The following ICE1 variants were observed in gnomAD, a reference collection of about 807,000 sequenced individuals.
ICE1 encodes the protein little elongation complex subunit 1.
In ICE1, 64 loss-of-function variants were observed where a neutral mutation model predicts 192.7. The ratio of observed to expected loss-of-function variants is 0.33; its 90% CI spans 0.27 to 0.41. The LOEUF is 0.41. Ranked by LOEUF, ICE1 falls within the 10% of genes least tolerant of loss-of-function variation. ICE1 has a pLI of 1.00. For synonymous variants in ICE1, 1,010 were observed against 984.5 expected (o/e 1.03, Z -0.49); for missense variants, 2,708 against 2,696.0 (o/e 1.00, Z -0.10).
At chr5:5,443,338 G>T (rs1738106485) in intron 6 of ICE1, 94 bp downstream of exon 6, 2 of 664,238 alleles carry the variant, frequency 3.0e-6, no homozygotes, top group Admixed American at 3.8e-5. Flanking sequence ...TACAGTCTTT[G>T]GATTTCTTGG....
In ICE1 at chr5:5,463,786, A is replaced by G; in HGVS notation, c.4452A>G (p.Pro1484=). Residue 1484 remains proline (P), a synonymous_variant, in exon 13 of 19, where the codon CCA becomes CCG. Transcript: ENST00000296564. ...CTGGCCCTGCATTTCAGGAGGCTCC[A>G]TGTGGCAATAATCTTTCATGTCCCC... The part of the protein sequence containing the change: ...SHTGPAFQEA[P]CGNNLSCPQE... 1 of 1,613,990 alleles carries G rather than the reference A, an allele frequency of 6.2e-7. No homozygotes were observed. The highest frequency in any genetic ancestry group is 8.5e-7 in the Non-Finnish European group (1 of 1,179,878).
chr5:5,429,047 CA>C (rs1354473160), intron 1 of ICE1, among the ~76,000 whole-genome samples: 1 of 152,126 alleles, frequency 6.6e-6, no homozygotes, highest in African/African-American at 2.4e-5. Flanking sequence ...GCATATGGGG[CA>C]AAGTCTGGGG....
chr5:5,462,713 G>T lies in ICE1; in HGVS notation c.3379G>T (p.Asp1127Tyr), dbSNP rs760143114. ...GGGGAGCGAACAGCAAGATGCTCCT[G>T]ATGACTCACAGAAAAATTTAGGAGA... ...SEGSEQQDAP[D>Y]DSQKNLGDTD... The change falls in exon 13 of 19, where the codon GAT (aspartate) becomes TAT (tyrosine). Residue 1127 changes from aspartate (D) to tyrosine (Y), a missense_variant. By Grantham distance (160) the Asp-to-Tyr change is radical (BLOSUM62 -3). Coordinates refer to ENST00000296564, the MANE Select transcript of ICE1 (RefSeq NM_015325.3). 2.2e-5 allele frequency: 36 copies of T among 1,613,846 alleles called. No individual in the cohort carries two copies. The highest frequency in any genetic ancestry group is 3.1e-5 in the Non-Finnish European group (36 of 1,179,802).
chr5:5,487,374 G>A lies in ICE1; in HGVS notation c.6619+555G>A, dbSNP rs114555602. Among the ~76,000 whole-genome samples, 629 of 152,304 alleles carry A rather than the reference G, an allele frequency of 4.1e-3. 4 individuals are homozygous for A. Among genetic ancestry groups the A allele is most frequent in the Non-Finnish European group, 7.1e-3 (485 of 68,016 alleles). On this transcript the variant is annotated intron_variant, in intron 18 of 18. Coordinates refer to ENST00000296564, the MANE Select transcript of ICE1 (RefSeq NM_015325.3). ...TTAACTCAAAGTAACTCTTATAAGGGATGAATCTAGTTTTTATTTTGAATA... is the reference window on the plus strand; with the variant it reads ...TTAACTCAAAGTAACTCTTATAAGGAATGAATCTAGTTTTTATTTTGAATA...
Position 5,461,617 on chromosome 5 carries a change from C to T in ICE1, c.2283C>T (p.Leu761=). Residue 761 remains leucine (L), a synonymous_variant, in exon 13 of 19, where the codon CTC becomes CTT. Coordinates refer to ENST00000296564, the MANE Select transcript of ICE1 (RefSeq NM_015325.3). The part of the protein sequence containing the change: ...QCESQDPRIE[L]TLNKPDFTSL... ...AAAGTCAAGATCCAAGAATTGAGCT[C>T]ACACTAAATAAGCCAGATTTCACAT... 1.2e-6 allele frequency: 2 copies of T among 1,613,418 alleles called. No homozygotes were observed. Among genetic ancestry groups the T allele is most frequent in the South Asian group, 1.1e-5 (1 of 90,940 alleles).
chr5:5,445,735 ATTTT>A (rs369289020), intron 7 of ICE1, among the ~76,000 whole-genome samples: 1 of 144,944 alleles, frequency 6.9e-6, no homozygotes, highest in Non-Finnish European at 1.5e-5. Flanking sequence ...TTAAAAAAGA[ATTTT>A]TTTTTTTTTT....
Position 5,457,402 on chromosome 5 carries a change from C to G in ICE1, c.762C>G (p.Gly254=). ...GEDGTLPPTQ[G]SPLRTSNVQT... is the part of the protein sequence containing the mutation. ...ATGGTACGCTACCTCCAACACAGGGCAGCCCTCTCAGGACCTCAAATGTGC... is the reference window on the plus strand; with the variant it reads ...ATGGTACGCTACCTCCAACACAGGGGAGCCCTCTCAGGACCTCAAATGTGC... Residue 254 remains glycine (G), a synonymous_variant, in exon 12 of 19, where the codon GGC becomes GGG. Coordinates refer to ENST00000296564, the MANE Select transcript of ICE1 (RefSeq NM_015325.3). 6.2e-7 allele frequency: 1 copy of G among 1,613,698 alleles called. No individual in the cohort carries two copies. Among genetic ancestry groups the G allele is most frequent in the Non-Finnish European group, 8.5e-7 (1 of 1,179,772 alleles).
In ICE1 at chr5:5,451,703, A is replaced by G. The variant is rs1013331055; in HGVS notation, c.605-2849A>G. Among the ~76,000 whole-genome samples the G allele has an allele frequency of 6.6e-5, 10 of 152,316 alleles. No individual in the cohort carries two copies. The South Asian group carries it at 2.1e-3, about 32-fold the overall frequency. ...TAACAATAGTTAAAGATCTAACACCATAATAAATCCGGATAATTTATAGGT... is the reference window on the plus strand; with the variant it reads ...TAACAATAGTTAAAGATCTAACACCGTAATAAATCCGGATAATTTATAGGT... On this transcript the variant is annotated intron_variant, in intron 10 of 18. Transcript: ENST00000296564.
intron 10 of ICE1, among the ~76,000 whole-genome samples, chr5:5,450,861 G>T (rs1319500548): frequency 6.6e-6 from 1 of 152,062 alleles, no homozygotes; most frequent in Non-Finnish European, 1.5e-5. Context: ...AAATCTAGGG[G>T]GACTGGCCAA....
At chr5:5,483,145 C>T (rs1373497897) in intron 17 of ICE1, among the ~76,000 whole-genome samples, 3 of 152,098 alleles carry the variant, frequency 2.0e-5, no homozygotes, top group Non-Finnish European at 4.4e-5. Flanking sequence ...CATGCGCCAC[C>T]ATGCTCGGCT....
Position 5,464,425 on chromosome 5 carries a change from T to G in ICE1, c.5091T>G (p.Ser1697=). 6.2e-7 allele frequency: 1 copy of G among 1,613,860 alleles called. No individual in the cohort carries two copies. The change falls in exon 13 of 19, where the codon TCT becomes TCG. Residue 1697 remains serine (S), a synonymous_variant. Coordinates refer to ENST00000296564, the MANE Select transcript of ICE1 (RefSeq NM_015325.3). This position sits in a 1 kb window ranked among gnomAD's most constrained non-coding sequence, Gnocchi z 4.0. ...GACGTGCCTCTCCTCCAGATCCTTC[T>G]CCATCTCCATCTGCAGCTTCAGCCA... The part of the protein sequence containing the change: ...DPRRASPPDP[S]PSPSAASASE...
chr5:5,471,148 A>G (rs1042013512), intron 15 of ICE1, among the ~76,000 whole-genome samples: 2 of 152,218 alleles, frequency 1.3e-5, no homozygotes, highest in African/African-American at 4.8e-5. Flanking sequence ...CAGATCAGCA[A>G]AAACAGAGAA....
At chr5:5,432,125 A>G (rs1312903206) in intron 1 of ICE1, among the ~76,000 whole-genome samples, 1 of 152,178 alleles carries the variant, frequency 6.6e-6, no homozygotes, top group Non-Finnish European at 1.5e-5. Flanking sequence ...CATCACCACT[A>G]CATAGTCCTA....
chr5:5,431,617 G>A (rs766275481), intron 1 of ICE1, among the ~76,000 whole-genome samples: 3 of 152,122 alleles, frequency 2.0e-5, no homozygotes, highest in Non-Finnish European at 4.4e-5. Flanking sequence ...TTTCGTGTTG[G>A]TGTTGAAGTC....
chr5:5,425,849 G>C (rs967978507), intron 1 of ICE1, among the ~76,000 whole-genome samples: 1 of 152,166 alleles, frequency 6.6e-6, no homozygotes, highest in Non-Finnish European at 1.5e-5. Flanking sequence ...GTAATTGAAG[G>C]TTCCTGGGAA....
intron 1 of ICE1, among the ~76,000 whole-genome samples, chr5:5,426,647 A>G (rs565614411): frequency 1.3e-4 from 20 of 152,180 alleles, no homozygotes; most frequent in Admixed American, 6.5e-5. Context: ...ATGGTGAGGA[A>G]AGGAGAAACA....
intron 13 of ICE1, 150 bp from the exon 14 acceptor site, chr5:5,466,184 T>C (rs1738978343): frequency 1.6e-6 from 1 of 610,924 alleles, no homozygotes; most frequent in African/African-American, 1.9e-5. Flanking sequence ...GCTAGGTAAG[T>C]TCTTACCAGT....
At chr5:5,469,314 C>G (rs1393295529) in intron 15 of ICE1, among the ~76,000 whole-genome samples, 1 of 152,146 alleles carries the variant, frequency 6.6e-6, no homozygotes, top group Non-Finnish European at 1.5e-5. Flanking sequence ...TCAATAGATA[C>G]TTAGGTAAAA....
intron 1 of ICE1, among the ~76,000 whole-genome samples, chr5:5,429,271 G>A (rs564485384): frequency 3.2e-4 from 49 of 152,300 alleles, no homozygotes; most frequent in African/African-American, 1.1e-3. Context: ...CACAAGGAAA[G>A]CAGGTGTTGA....
Sources: gnomAD v4.1 joint callset for allele counts (sites outside exome capture counted in the v4.1 genomes callset) on GRCh38, gnomAD v4.1.1 for gene constraint, Gnocchi (gnomAD v3.1) non-coding constraint, MANE v1.5 for transcripts, NCBI Gene and HGNC (gene_info 2026-07-23, HGNC 2026-07-21) for gene names.